The following OXR1 variants were observed in gnomAD, a reference collection of about 807,000 sequenced individuals.
The protein encoded by OXR1 is oxidation resistance 1, also known as oxidation resistance protein 1.
OXR1 carries 41 observed loss-of-function variants against 104.6 expected under a neutral mutation model. The observed-to-expected ratio is 0.39, with a 90% CI of 0.31 to 0.51. The LOEUF (loss-of-function observed/expected upper bound fraction) is 0.51. OXR1 is among the 20% of genes least tolerant of loss of function. OXR1 has a pLI of 0.77. For synonymous variants in OXR1, 348 were observed against 348.4 expected, an observed-to-expected ratio of 1.00 and a Z score of 0.01; for missense variants, 955 against 1,031.9, an observed-to-expected ratio of 0.93 and a Z score of 1.02.
At chr8:106,586,844 G>A (rs1420856868) in intron 3 of OXR1, among the ~76,000 whole-genome samples, 8 of 152,170 alleles carry the variant, frequency 5.3e-5, no homozygotes, top group African/African-American at 1.9e-4. Context: ...GTTTATCAAG[G>A]AGGAGGTCAT....
At chr8:106,667,162 A>G (rs1826422474) in intron 3 of OXR1, among the ~76,000 whole-genome samples, 1 of 152,154 alleles carries the variant, frequency 6.6e-6, no homozygotes, top group African/African-American at 2.4e-5. Context: ...GTAGCCATGA[A>G]AAAATTTTGA....
At chr8:106,369,058 C>T (rs1816602009) in intron 2 of OXR1, among the ~76,000 whole-genome samples, 1 of 152,186 alleles carries the variant, frequency 6.6e-6, no homozygotes, top group Non-Finnish European at 1.5e-5. Context: ...GCCTTGCCAG[C>T]ATCTATGGTT....
At chr8:106,558,679 T>C (rs1816460598) in intron 3 of OXR1, among the ~76,000 whole-genome samples, 1 of 152,240 alleles carries the variant, frequency 6.6e-6, no homozygotes, top group Non-Finnish European at 1.5e-5. Flanking sequence ...AATTCTACTT[T>C]TTTTATTAGG....
intron 1 of OXR1, among the ~76,000 whole-genome samples, chr8:106,341,356 A>G (rs1815238859): frequency 6.6e-6 from 1 of 150,698 alleles, no homozygotes; most frequent in Non-Finnish European, 1.5e-5. Flanking sequence ...ATACTTACAT[A>G]TTGATTTCCT....
At chr8:106,551,898 G>A (rs1395839300) in intron 3 of OXR1, among the ~76,000 whole-genome samples, 3 of 137,692 alleles carry the variant, frequency 2.2e-5, no homozygotes, top group Non-Finnish European at 4.7e-5. Flanking sequence ...GTGTGTGTGT[G>A]TGTATTTATA....
rs1049713541 is a variant in OXR1 at position 106,577,594 on chromosome 8, C to T, written c.220+58455C>T. Among the ~76,000 whole-genome samples, 3 of 151,870 alleles carry T rather than the reference C, an allele frequency of 2.0e-5. No individual in the cohort carries two copies. The South Asian group carries it at 6.3e-4, about 32-fold the overall frequency. On this transcript the variant is annotated intron_variant, in intron 3 of 16. Transcript: ENST00000517566. Reference sequence around the variant, plus strand: ...TTAGTAGAGACAAGGTTTACCAGGTCGGCCAGGCTGGTCTCGAACTCCTGA... The same window carrying T: ...TTAGTAGAGACAAGGTTTACCAGGTTGGCCAGGCTGGTCTCGAACTCCTGA...
intron 3 of OXR1, among the ~76,000 whole-genome samples, chr8:106,660,050 G>C (rs968543056): frequency 6.6e-6 from 1 of 152,186 alleles, no homozygotes; most frequent in Non-Finnish European, 1.5e-5. Context: ...CTTCCTGAAA[G>C]AATTTGGACA....
chr8:106,340,633 A>G (rs1319118632), intron 1 of OXR1, among the ~76,000 whole-genome samples: 2 of 152,078 alleles, frequency 1.3e-5, no homozygotes, highest in Non-Finnish European at 2.9e-5. Context: ...TTCCTCCCCT[A>G]GGATATAAAT....
At chr8:106,326,516 G>A (rs969038208) in intron 1 of OXR1, among the ~76,000 whole-genome samples, 24 of 152,206 alleles carry the variant, frequency 1.6e-4, no homozygotes, top group African/African-American at 5.1e-4. Context: ...GTTGATTTCT[G>A]CTTCTGATTA....
chr8:106,279,533 A>G (rs935209163), intron 1 of OXR1, among the ~76,000 whole-genome samples: 1 of 152,190 alleles, frequency 6.6e-6, no homozygotes, highest in South Asian at 2.1e-4. Flanking sequence ...ATTAGAAACT[A>G]TGCACTTTTA....
intron 9 of OXR1, chr8:106,707,406 TAAAC>T: frequency 3.4e-6 from 2 of 581,064 alleles, no homozygotes; most frequent in Non-Finnish European, 3.0e-6. Context: ...ATCGTATCAT[TAAAC>T]AATTTATTTC....
At chr8:106,397,603 G>A (rs1220047583) in intron 2 of OXR1, among the ~76,000 whole-genome samples, 2 of 151,734 alleles carry the variant, frequency 1.3e-5, no homozygotes, top group Non-Finnish European at 1.5e-5. Flanking sequence ...GTATTGATTA[G>A]TTCCTGTTTG....
intron 3 of OXR1, among the ~76,000 whole-genome samples, chr8:106,622,343 G>GT (rs1202868152): frequency 1.3e-5 from 2 of 152,074 alleles, no homozygotes; most frequent in Non-Finnish European, 2.9e-5. Flanking sequence ...TCAGTTTTCA[G>GT]TGAGGCAACT....
intron 3 of OXR1, among the ~76,000 whole-genome samples, chr8:106,585,224 G>A (rs1818541312): frequency 1.3e-5 from 2 of 151,968 alleles, no homozygotes; most frequent in Admixed American, 6.6e-5. Context: ...GTTGTGGATG[G>A]CAATTCTAGA....
Position 106,703,011 on chromosome 8 carries a change from A to T in OXR1, c.781A>T (p.Met261Leu). ...GAATGGCTGTGAGGAATATGGCATC[A>T]TGTGTCCAATGGAAGAGGTGATGTC... ...QENGCEEYGI[M>L]CPMEEVMSAA... The change falls in exon 8 of 17, where the codon ATG (methionine) becomes TTG (leucine). Residue 261 changes from methionine to leucine, a missense_variant. Met to Leu is a conservative substitution (Grantham distance 15). Around this residue, in one of 2 missense-constraint regions of OXR1, gnomAD observed 849 missense variants for 852.9 expected, o/e 1.00. Coordinates refer to ENST00000517566, the MANE Select transcript of OXR1 (RefSeq NM_001198533.2). The T allele has an allele frequency of 6.2e-7, 1 of 1,613,804 alleles. No individual in the cohort carries two copies. The highest frequency in any genetic ancestry group is 1.1e-5 in the South Asian group (1 of 91,080).
intron 2 of OXR1, among the ~76,000 whole-genome samples, chr8:106,400,372 A>G (rs1817953297): frequency 6.6e-6 from 1 of 151,996 alleles, no homozygotes; most frequent in South Asian, 2.1e-4. Flanking sequence ...TAGCAAATCA[A>G]CTCCATTGGG....
At chr8:106,520,058 G>T (rs1044967114) in intron 3 of OXR1, among the ~76,000 whole-genome samples, 14 of 152,134 alleles carry the variant, frequency 9.2e-5, no homozygotes, top group African/African-American at 3.4e-4. Context: ...TCAATTTGGA[G>T]AGATTTGGTC....
intron 7 of OXR1, among the ~76,000 whole-genome samples, chr8:106,695,821 T>A (rs1270441671): frequency 2.0e-5 from 3 of 152,226 alleles, no homozygotes; most frequent in Admixed American, 6.5e-5. Flanking sequence ...GAATTTTTTT[T>A]AATTAATATA....
chr8:106,597,728 C>T (rs909518701), intron 3 of OXR1, among the ~76,000 whole-genome samples: 20 of 152,280 alleles, frequency 1.3e-4, no homozygotes, highest in Middle Eastern at 6.8e-3. Flanking sequence ...GCTTAAGTCA[C>T]TCCCCCTTAA....
Sources: allele counts gnomAD v4.1 joint callset (sites outside exome capture counted in the v4.1 genomes callset), GRCh38; gene constraint gnomAD v4.1.1; regional missense constraint gnomAD v4.1.1; transcripts MANE v1.5; gene names NCBI Gene and HGNC (gene_info 2026-07-23, HGNC 2026-07-21).